Variants in RTN4IP1 observed in about 807,000 individuals in gnomAD.
RTN4IP1 encodes the protein reticulon 4 interacting protein 1.
Under a neutral mutation model 46.6 loss-of-function variants are expected in RTN4IP1, and 32 were observed. The ratio of observed to expected loss-of-function variants is 0.69; its 90% CI spans 0.52 to 0.92. The LOEUF is 0.92. Among genes scored for constraint, RTN4IP1 ranks in the 40% least tolerant of loss-of-function variants. The pLI is 0.00. For missense variants in RTN4IP1, 424 were observed against 485.8 expected (o/e 0.87, Z 1.20); for synonymous variants, 167 against 161.8 (o/e 1.03, Z -0.24).
At chr6:106,587,015 A>C (rs1288890187) in intron 7 of RTN4IP1, among the ~76,000 whole-genome samples, 1 of 152,198 alleles carries the variant, frequency 6.6e-6, no homozygotes, top group Non-Finnish European at 1.5e-5. Flanking sequence ...TCATGCCATT[A>C]ATAGCTGGAG....
chr6:106,604,739 G>T (rs1348433824), intron 4 of RTN4IP1, among the ~76,000 whole-genome samples: 2 of 152,176 alleles, frequency 1.3e-5, no homozygotes, highest in East Asian at 3.9e-4. Context: ...AAAATAATTT[G>T]CTCTTCCTCT....
intron 8 of RTN4IP1, among the ~76,000 whole-genome samples, chr6:106,574,025 T>C (rs1305228492): frequency 6.6e-6 from 1 of 152,216 alleles, no homozygotes; most frequent in African/African-American, 2.4e-5. Flanking sequence ...CAGCCACTAT[T>C]AACTGCTCTG....
chr6:106,573,454 C>G (rs1775132837), intron 8 of RTN4IP1, among the ~76,000 whole-genome samples: 1 of 152,218 alleles, frequency 6.6e-6, no homozygotes, highest in Non-Finnish European at 1.5e-5. Context: ...CAAAAGTTCC[C>G]TTCTCCAAAG....
At position 106,592,164 on chromosome 6, in the gene RTN4IP1, G is replaced by T; in HGVS notation, c.806C>A (p.Pro269Gln). 2 of 1,613,474 alleles carry T rather than the reference G, an allele frequency of 1.2e-6. No individual in the cohort carries two copies. The highest frequency in any genetic ancestry group is 1.7e-5 in the Admixed American group (1 of 59,942). ...GTGTGAACATTGTTCTAATACATAC[G>T]GTTTTAAGGATTTCAACTGCTCTTC... is the stretch of plus-strand genomic sequence containing the variant. Reference protein sequence around the residue: ...SVEEQLKSLKPFDFILDNVGG... With the variant: ...SVEEQLKSLKQFDFILDNVGG... Residue 269 changes from proline to glutamine, a missense_variant and splice_region_variant, in exon 6 of 9, where the codon CCA becomes CAA. Transcript: ENST00000369063.
At chr6:106,610,004 A>G (rs1490917104) in intron 4 of RTN4IP1, among the ~76,000 whole-genome samples, 1 of 152,144 alleles carries the variant, frequency 6.6e-6, no homozygotes, top group Non-Finnish European at 1.5e-5. Context: ...TAAACTCCAC[A>G]TTTTGTGCAG....
intron 4 of RTN4IP1, among the ~76,000 whole-genome samples, chr6:106,608,571 T>C (rs1776143472): frequency 6.6e-6 from 1 of 152,236 alleles, no homozygotes; most frequent in African/African-American, 2.4e-5. Flanking sequence ...ACACATGGTA[T>C]CCATGTATTG....
intron 5 of RTN4IP1, among the ~76,000 whole-genome samples, chr6:106,598,836 C>T (rs6934549): frequency 0.019 from 2,900 of 151,624 alleles, 77 homozygotes; most frequent in African/African-American, 0.068. Context: ...TTAGGTCTAA[C>T]GTTTAAATCT....
At chr6:106,580,899 C>A (rs974725749) in intron 8 of RTN4IP1, among the ~76,000 whole-genome samples, 2 of 149,690 alleles carry the variant, frequency 1.3e-5, no homozygotes, top group East Asian at 3.9e-4. Context: ...TACACCCATA[C>A]AAATACTATG....
intron 5 of RTN4IP1, among the ~76,000 whole-genome samples, chr6:106,595,491 ACTTT>A (rs1477993074): frequency 2.2e-5 from 3 of 134,240 alleles, no homozygotes; most frequent in African/African-American, 5.5e-5. Context: ...TAGTTGGAAT[ACTTT>A]CTTTCTTTTT....
At chr6:106,609,218 T>A (rs994974033) in intron 4 of RTN4IP1, among the ~76,000 whole-genome samples, 1 of 152,234 alleles carries the variant, frequency 6.6e-6, no homozygotes, top group Admixed American at 6.5e-5. Context: ...TTGGCCACAG[T>A]GCCCTGGATG....
chr6:106,604,088 G>A (rs1776004762), intron 4 of RTN4IP1, among the ~76,000 whole-genome samples: 1 of 152,180 alleles, frequency 6.6e-6, no homozygotes. Context: ...CTGCTGGAAA[G>A]TGCAGGGAAT....
At position 106,592,225 on chromosome 6, in the gene RTN4IP1, C is replaced by T. The variant is rs756700154; in HGVS notation, c.745G>A (p.Ala249Thr). 23 of 1,613,966 alleles carry T rather than the reference C, an allele frequency of 1.4e-5. 1 individual carries two copies. Among genetic ancestry groups the T allele is most frequent in the Middle Eastern group, 1.6e-4 (1 of 6,084 alleles). The part of the protein sequence containing the change: ...DASELVRKLG[A>T]DDVIDYKSGS... The stretch of plus-strand genomic sequence containing the variant: ...GATTTGTAATCAATTACATCGTCTG[C>T]ACCAAGCTTCCTTACAAGTTCACTG... The change falls in exon 6 of 9, where the codon GCA becomes ACA. Residue 249 changes from alanine (A) to threonine (T), a missense_variant. Physicochemically the swap from Ala to Thr is moderately conservative, Grantham distance 58 (BLOSUM62 0). Transcript: ENST00000369063.
intron 2 of RTN4IP1, 76 bp downstream of exon 2, chr6:106,622,742 G>T: frequency 1.4e-6 from 2 of 1,454,772 alleles, no homozygotes; most frequent in Non-Finnish European, 1.9e-6. Context: ...CTGTGTCAGT[G>T]TGCGTCTCTC....
At chr6:106,604,198 A>G (rs76313544) in intron 4 of RTN4IP1, among the ~76,000 whole-genome samples, 1,872 of 152,214 alleles carry the variant, frequency 0.012, 43 homozygotes, top group African/African-American at 0.043. Context: ...TCTTGCCCAA[A>G]TCATAGAAGG....
In RTN4IP1 at chr6:106,570,819, A is replaced by G. The variant is rs1293702034; in HGVS notation, c.*1177T>C. 6.6e-6 allele frequency: 1 copy of G among 152,190 alleles called. No individual in the cohort carries two copies. The highest frequency in any genetic ancestry group is 6.5e-5 in the Admixed American group (1 of 15,278). 9.4% of individuals were successfully genotyped at this position (152,190 alleles called of 1,614,324 possible). On this transcript the variant is annotated 3_prime_UTR_variant, in exon 9 of 9. Coordinates refer to ENST00000369063, the MANE Select transcript of RTN4IP1 (RefSeq NM_032730.5). ...GACCAACAATTTTAGAGAAAAGCCT[A>G]CATCTAACATACATGCTACCAAACG...
chr6:106,573,238 A>G (rs868825189), intron 8 of RTN4IP1, among the ~76,000 whole-genome samples: 1 of 152,228 alleles, frequency 6.6e-6, no homozygotes, highest in Admixed American at 6.5e-5. Flanking sequence ...GCAAAAATCA[A>G]TAGTTATCCA....
intron 5 of RTN4IP1, among the ~76,000 whole-genome samples, chr6:106,598,659 T>C (rs1775867158): frequency 6.6e-6 from 1 of 152,068 alleles, no homozygotes. Context: ...CTGTTCACTC[T>C]GATGGTAGTT....
At chr6:106,629,826 GAGTGGGGGATA>G, upstream of RTN4IP1, 1 of 1,214,468 alleles carries the variant, frequency 8.2e-7, no homozygotes. Flanking sequence ...CTCTAGAACT[GAGTGGGGGATA>G]AGTACCTTTC....
At chr6:106,584,106 T>C (rs1417286264) in intron 7 of RTN4IP1, among the ~76,000 whole-genome samples, 3 of 152,192 alleles carry the variant, frequency 2.0e-5, no homozygotes, top group Admixed American at 6.5e-5. Flanking sequence ...TAAATGTTAT[T>C]CTTTGTTTAT....
Sources: gnomAD v4.1 joint callset for allele counts (sites outside exome capture counted in the v4.1 genomes callset) on GRCh38, gnomAD v4.1.1 for gene constraint, MANE v1.5 for transcripts, NCBI Gene and HGNC (gene_info 2026-07-23, HGNC 2026-07-21) for gene names.